Variants in PCDH19 observed in about 807,000 individuals in gnomAD.
PCDH19 encodes protocadherin-19.
A neutral mutation model predicts 46.2 loss-of-function variants in PCDH19; 6 were observed. That is an observed-to-expected ratio of 0.13 (90% confidence interval 0.07 to 0.26). PCDH19 has a LOEUF of 0.26. Among genes scored for constraint, PCDH19 ranks in the 10% least tolerant of loss-of-function variants. The probability of loss-of-function intolerance (pLI) is 1.00; values close to 1 mark genes in which losing one functional copy is unlikely to be tolerated. For synonymous variants in PCDH19, 481 were observed against 415.7 expected (o/e 1.16, Z -1.91); for missense variants, 740 against 972.3 (o/e 0.76, Z 3.18).
At chrX:100,307,905 A>G (rs1034894505) in intron 5 of PCDH19, among the ~76,000 whole-genome samples, 12 of 111,506 alleles carry the variant, frequency 1.1e-4, no homozygotes, top group African/African-American at 3.6e-4. Context: ...GACACAAACC[A>G]ATGGAACCAT....
intron 3 of PCDH19, among the ~76,000 whole-genome samples, chrX:100,389,701 AAAAC>A (rs1481630095): frequency 8.9e-6 from 1 of 111,748 alleles, no homozygotes; most frequent in East Asian, 2.8e-4. Flanking sequence ...ATAAAGCTGA[AAAAC>A]AAATTAATAA....
chrX:100,310,160 G>C (rs1925087942), intron 5 of PCDH19, among the ~76,000 whole-genome samples: 1 of 112,112 alleles, frequency 8.9e-6, no homozygotes, highest in Admixed American at 9.4e-5. Context: ...ACATATTGAA[G>C]TATAAGTGCT....
intron 3 of PCDH19, among the ~76,000 whole-genome samples, chrX:100,351,852 G>A (rs1926580469): frequency 8.9e-6 from 1 of 112,457 alleles, no homozygotes; most frequent in Non-Finnish European, 1.9e-5. Context: ...CAGTTTGATG[G>A]AGAAGAAAAC....
chrX:100,406,356 T>A (rs1022794059), intron 1 of PCDH19, 95 bp downstream of exon 1: 5 of 704,034 alleles, frequency 7.1e-6, no homozygotes, highest in Non-Finnish European at 1.1e-5. Flanking sequence ...GCTGCATGCA[T>A]TTAAGTAGGA....
rs562057510 is a variant in PCDH19, at chrX:100,387,803, AAT to A, written c.2616+14719_2616+14720del. Reference sequence around the variant, plus strand: ...CATTTAAAAGGTAAACTGTAAATAAAATAGTTATTTTAAAATGTAAAACTTCA... The same window carrying A: ...CATTTAAAAGGTAAACTGTAAATAAAAGTTATTTTAAAATGTAAAACTTCA... On this transcript the variant is annotated intron_variant, in intron 3 of 5. Transcript: ENST00000373034. Among the ~76,000 whole-genome samples the A allele has an allele frequency of 4.4e-4, 49 of 112,070 alleles. 1 individual carries two copies. The South Asian group carries it at 0.017, about 39-fold the overall frequency.
chrX:100,388,067 T>G (rs1927762896), intron 3 of PCDH19, among the ~76,000 whole-genome samples: 1 of 111,250 alleles, frequency 9.0e-6, no homozygotes, highest in African/African-American at 3.3e-5. Flanking sequence ...TGCAGAAAAT[T>G]TGGAAAATTA....
intron 5 of PCDH19, among the ~76,000 whole-genome samples, chrX:100,298,922 T>C (rs12560182): frequency 0.29 from 32,303 of 110,619 alleles, 3,657 homozygotes; most frequent in Non-Finnish European, 0.35. Context: ...AGAAGTCACA[T>C]CTTTAGGGCT....
At position 100,352,545 on chromosome X, in the gene PCDH19, G is replaced by A. The variant is rs149174343; in HGVS notation, c.2617-1841C>T. ...TGAATTATAATCCCCAATGTTGGAG[G>A]TAGGGCTTGGTGGGAAGTGATTTGA... On this transcript the variant is annotated intron_variant, in intron 3 of 5. Transcript: ENST00000373034. Among the ~76,000 whole-genome samples the A allele has an allele frequency of 1.6e-4, 18 of 112,487 alleles. No homozygotes were observed. The East Asian group carries it at 5.0e-3, about 32-fold the overall frequency.
At chrX:100,300,961 G>A (rs1924760502) in intron 5 of PCDH19, among the ~76,000 whole-genome samples, 1 of 108,970 alleles carries the variant, frequency 9.2e-6, no homozygotes, top group Non-Finnish European at 1.9e-5. Flanking sequence ...GGTACAAGAG[G>A]CAAAAGAGGC....
At position 100,360,964 on chromosome X, in the gene PCDH19, G is replaced by A. The variant is rs1309539669; in HGVS notation, c.2617-10260C>T. On this transcript the variant is annotated intron_variant, in intron 3 of 5. Transcript: ENST00000373034. ...CTCACAGTGCTTCTCATTTTATTTG[G>A]GAAGGGGGATGAGGAGGGATGAGGG... Among the ~76,000 whole-genome samples the A allele has an allele frequency of 4.5e-5, 5 of 111,884 alleles. No individual in the cohort carries two copies. In the East Asian group the frequency reaches 1.1e-3, roughly 25 times the overall value.
At chrX:100,333,926 C>T (rs753485816) in intron 5 of PCDH19, among the ~76,000 whole-genome samples, 34 of 108,582 alleles carry the variant, frequency 3.1e-4, no homozygotes, top group Non-Finnish European at 6.1e-4. Context: ...AGTAGCTGGA[C>T]TTACAGGCAT....
chrX:100,298,691 C>T (rs1185705446), intron 5 of PCDH19, among the ~76,000 whole-genome samples: 2 of 111,807 alleles, frequency 1.8e-5, no homozygotes, highest in Non-Finnish European at 3.8e-5. Flanking sequence ...CCCTTCCCTG[C>T]AAACTCTCTG....
At chrX:100,322,863 A>G (rs192895640) in intron 5 of PCDH19, among the ~76,000 whole-genome samples, 1 of 40,119 alleles carries the variant, frequency 2.5e-5, no homozygotes, top group Non-Finnish European at 5.5e-5. Context: ...ATATATATAT[A>G]TATTTTTGCA....
chrX:100,407,843 G>A lies in PCDH19; in HGVS notation c.755C>T (p.Pro252Leu), dbSNP rs1928433400. The A allele has an allele frequency of 2.5e-6, 3 of 1,211,144 alleles. No homozygotes were observed. Among genetic ancestry groups the A allele is most frequent in the Admixed American group, 2.2e-5 (1 of 46,005 alleles). The change falls in exon 1 of 6, where the codon CCT (proline) becomes CTT (leucine). Residue 252 changes from proline (P) to leucine (L), a missense_variant. Around this residue, in one of 5 missense-constraint regions of PCDH19, gnomAD observed 186 missense variants for 319.9 expected, o/e 0.58. Coordinates refer to ENST00000373034, the MANE Select transcript of PCDH19 (RefSeq NM_001184880.2). ...GAGGCGGATGACGGGTGTGTTGGGAGGCGAGTTTTCTGGCACGCTCACCGC... is the reference window on the plus strand; with the variant it reads ...GAGGCGGATGACGGGTGTGTTGGGAAGCGAGTTTTCTGGCACGCTCACCGC... ...TYAVSVPENSPPNTPVIRLNA... is the reference protein window; with the variant it reads ...TYAVSVPENSLPNTPVIRLNA...
intron 5 of PCDH19, among the ~76,000 whole-genome samples, chrX:100,310,207 G>A (rs936388190): frequency 2.7e-5 from 3 of 111,686 alleles, no homozygotes; most frequent in Non-Finnish European, 3.8e-5. Context: ...AGAGTGTGGC[G>A]TGTACAGTCA....
At chrX:100,379,688 G>C (rs1487563877) in intron 3 of PCDH19, among the ~76,000 whole-genome samples, 1 of 112,318 alleles carries the variant, frequency 8.9e-6, no homozygotes, top group Non-Finnish European at 1.9e-5. Context: ...TTTCTTCTCT[G>C]GAGACTGCTG....
chrX:100,324,026 A>G (rs1469035561), intron 5 of PCDH19, among the ~76,000 whole-genome samples: 1 of 112,043 alleles, frequency 8.9e-6, no homozygotes, highest in Non-Finnish European at 1.9e-5. Flanking sequence ...GATTTGGCTT[A>G]CAGTGTTAAG....
chrX:100,313,617 A>T lies in PCDH19; in HGVS notation c.2849-16742T>A, dbSNP rs1161942246. Reference sequence around the variant, plus strand: ...GCAAATAATCTGGTTTGCTATTAAAACTGCAGATAAAATAATCACCTTTGG... The same window carrying T: ...GCAAATAATCTGGTTTGCTATTAAATCTGCAGATAAAATAATCACCTTTGG... On this transcript the variant is annotated intron_variant, in intron 5 of 5. Transcript: ENST00000373034. Among the ~76,000 whole-genome samples the T allele has an allele frequency of 2.7e-5, 3 of 111,510 alleles. No homozygotes were observed. In the East Asian group the frequency reaches 8.4e-4, roughly 31 times the overall value.
rs375132545 is a variant in PCDH19 at position 100,296,300 on chromosome X, G to A, written c.3424C>T (p.Arg1142Cys). Residue 1142 changes from arginine to cysteine, a missense_variant, in exon 6 of 6, where the codon CGT (arginine) becomes TGT (cysteine). Arg to Cys is a radical substitution (Grantham distance 180). Transcript: ENST00000373034. ...GTTTAGAGAACGATATCCTTCAGAC[G>A]CTTCACACCAGGGGACTCTTTGTTG... ...GRNKESPGVK[R>C]LKDIVL 32 of 1,207,241 alleles carry A rather than the reference G, an allele frequency of 2.7e-5. No homozygotes were observed. The highest frequency in any genetic ancestry group is 3.4e-5 in the Non-Finnish European group (30 of 892,603).
Sources: gnomAD v4.1 joint callset for allele counts (sites outside exome capture counted in the v4.1 genomes callset) on GRCh38, gnomAD v4.1.1 for gene constraint, gnomAD v4.1.1 regional missense constraint, MANE v1.5 for transcripts, NCBI Gene and HGNC (gene_info 2026-07-23, HGNC 2026-07-21) for gene names.